Variants in ELOVL2 observed in about 807,000 individuals in gnomAD.
ELOVL2 encodes ELOVL fatty acid elongase 2.
In ELOVL2, 38 loss-of-function variants were observed where a neutral mutation model predicts 37.7. That is an observed-to-expected ratio of 1.01 (90% CI 0.78 to 1.32). ELOVL2 has a LOEUF of 1.32. Among genes scored for constraint, ELOVL2 ranks in the 40% most tolerant of loss-of-function variants. The probability of loss-of-function intolerance (pLI) is 0.00; values close to 1 mark genes in which losing one functional copy is unlikely to be tolerated. For synonymous variants in ELOVL2, 115 were observed against 122.3 expected (o/e 0.94, Z 0.40); for missense variants, 352 against 363.6 (o/e 0.97, Z 0.26).
At chr6:11,036,070 G>T (rs1245485027) in intron 1 of ELOVL2, among the ~76,000 whole-genome samples, 1 of 145,500 alleles carries the variant, frequency 6.9e-6, no homozygotes, top group Non-Finnish European at 1.6e-5. Flanking sequence ...TTACACTAAG[G>T]ACTTAAGACT....
chr6:11,014,343 G>GT (rs1310539622), intron 1 of ELOVL2, among the ~76,000 whole-genome samples: 1 of 151,700 alleles, frequency 6.6e-6, no homozygotes, highest in Non-Finnish European at 1.5e-5. Flanking sequence ...GCCGGGCGTG[G>GT]TGGTGCACAC....
At chr6:11,034,864 G>A (rs1303983707) in intron 1 of ELOVL2, among the ~76,000 whole-genome samples, 1 of 149,170 alleles carries the variant, frequency 6.7e-6, no homozygotes. Flanking sequence ...TTAGCCAAGC[G>A]TGGTGGCATG....
At chr6:10,992,124 A>G (rs1455947314) in intron 5 of ELOVL2, among the ~76,000 whole-genome samples, 1 of 152,228 alleles carries the variant, frequency 6.6e-6, no homozygotes, top group Non-Finnish European at 1.5e-5. Flanking sequence ...AACTAAACTC[A>G]AGAAATGGAT....
chr6:10,983,738 C>T lies in ELOVL2; in HGVS notation c.*43G>A, dbSNP rs4532436. On this transcript the variant is annotated 3_prime_UTR_variant, in exon 8 of 8. Transcript: ENST00000354666. ...ATTCAGTCTTTGCTTTAAAACAAGC[C>T]AATCTGTTAGGCTAGTATATGTGCT... 6.5e-7 allele frequency: 1 copy of T among 1,543,084 alleles called. No individual in the cohort carries two copies. The highest frequency in any genetic ancestry group is 8.7e-7 in the Non-Finnish European group (1 of 1,146,142).
In ELOVL2 at chr6:11,044,150, C is replaced by T; in HGVS notation, c.3+78G>A. The T allele has an allele frequency of 1.4e-6, 2 of 1,414,092 alleles. No homozygotes were observed. Among genetic ancestry groups the T allele is most frequent in the South Asian group, 1.4e-5 (1 of 69,204 alleles). The allele number at this position is 1,414,092 out of a possible 1,614,324, so 87.6% of individuals were successfully genotyped here. On this transcript the variant is annotated intron_variant, in intron 1 of 7. Coordinates refer to ENST00000354666, the MANE Select transcript of ELOVL2 (RefSeq NM_017770.4). This position sits in a 1 kb window ranked among gnomAD's most constrained non-coding sequence, Gnocchi z 5.6. ...AGCGCCCGCGCCGGCGCCCGCTCGGCCCTTTCCCGCCCGGTGCGTGGGTCC... is the reference window on the plus strand; with the variant it reads ...AGCGCCCGCGCCGGCGCCCGCTCGGTCCTTTCCCGCCCGGTGCGTGGGTCC...
chr6:10,990,543 T>G (rs1199692422), intron 5 of ELOVL2, 101 bp from the exon 6 acceptor site: 1 of 1,139,722 alleles, frequency 8.8e-7, no homozygotes, highest in East Asian at 2.7e-5. Context: ...TGAAAATGAG[T>G]AGCACATATG....
chr6:11,039,074 G>C (rs1214013643), intron 1 of ELOVL2, among the ~76,000 whole-genome samples: 1 of 152,180 alleles, frequency 6.6e-6, no homozygotes, highest in East Asian at 1.9e-4. Context: ...TAAGCAGACA[G>C]ACATAAAGCT....
At chr6:11,037,250 G>A (rs1452953654) in intron 1 of ELOVL2, among the ~76,000 whole-genome samples, 1 of 149,930 alleles carries the variant, frequency 6.7e-6, no homozygotes, top group Non-Finnish European at 1.5e-5. Context: ...GGCAGAGAGG[G>A]AGAGAGAGAC....
chr6:11,026,267 AAAG>A (rs1782836854), intron 1 of ELOVL2, among the ~76,000 whole-genome samples: 1 of 152,208 alleles, frequency 6.6e-6, no homozygotes, highest in African/African-American at 2.4e-5. Context: ...TAGAAAAGTT[AAAG>A]AAGGAGATGT....
intron 1 of ELOVL2, among the ~76,000 whole-genome samples, chr6:11,032,184 C>T (rs1782939510): frequency 6.6e-6 from 1 of 151,972 alleles, no homozygotes; most frequent in Non-Finnish European, 1.5e-5. Context: ...TCTATTTTTC[C>T]ACCTGGCTCC....
At position 10,995,007 on chromosome 6, in the gene ELOVL2, TTTGTC is replaced by T; in HGVS notation, c.500_504del (p.Gly167GlufsTer153). The T allele has an allele frequency of 1.3e-6, 2 of 1,583,710 alleles. No homozygotes were observed. Among genetic ancestry groups the T allele is most frequent in the Non-Finnish European group, 1.7e-6 (2 of 1,166,340 alleles). The stretch of plus-strand genomic sequence containing the variant: ...CGGAAAAATTAACAAAATAACTTAC[TTTGTC>T]CACAAGGTATCCAGTTCAAGACACA... On this transcript the variant is annotated frameshift_variant and splice_region_variant, in exon 5 of 8. Coordinates refer to ENST00000354666, the MANE Select transcript of ELOVL2 (RefSeq NM_017770.4). LOFTEE classifies it high-confidence loss of function.
At chr6:10,995,934 A>G (rs1158971204) in intron 4 of ELOVL2, among the ~76,000 whole-genome samples, 2 of 152,192 alleles carry the variant, frequency 1.3e-5, no homozygotes, top group Non-Finnish European at 2.9e-5. Context: ...AGACTGTCCA[A>G]GGGCAGTCTA....
chr6:11,010,255 C>T (rs1296331667), intron 2 of ELOVL2, among the ~76,000 whole-genome samples: 3 of 152,014 alleles, frequency 2.0e-5, no homozygotes, highest in African/African-American at 7.3e-5. Flanking sequence ...AACTCCTGAC[C>T]TCATGATCCG....
chr6:11,008,360 T>C lies in ELOVL2; in HGVS notation c.67+2386A>G, dbSNP rs980625720. ...TAATTCCAGATCACGCCAATCTTACTGGCAGCAAAGCTCAGTGAACTTGGC... is the reference window on the plus strand; with the variant it reads ...TAATTCCAGATCACGCCAATCTTACCGGCAGCAAAGCTCAGTGAACTTGGC... On this transcript the variant is annotated intron_variant, in intron 2 of 7. Transcript: ENST00000354666. 4.6e-5 allele frequency among the ~76,000 whole-genome samples: 7 copies of C among 152,368 alleles called. No homozygotes were observed. In the South Asian group the frequency reaches 1.4e-3, roughly 32 times the overall value.
At chr6:11,004,223 A>G (rs1449008721) in intron 3 of ELOVL2, among the ~76,000 whole-genome samples, 3 of 152,148 alleles carry the variant, frequency 2.0e-5, no homozygotes, top group Admixed American at 6.5e-5. Context: ...AATGGTACAT[A>G]TTAGAATAAT....
chr6:10,993,078 A>G (rs1782195130), intron 5 of ELOVL2, among the ~76,000 whole-genome samples: 1 of 151,896 alleles, frequency 6.6e-6, no homozygotes, highest in Non-Finnish European at 1.5e-5. Flanking sequence ...AAATTTAAAT[A>G]TAACCAACAA....
intron 7 of ELOVL2, among the ~76,000 whole-genome samples, chr6:10,986,520 C>T (rs1782056692): frequency 6.6e-6 from 1 of 152,126 alleles, no homozygotes; most frequent in Non-Finnish European, 1.5e-5. Context: ...TGAGATACGT[C>T]CCATCAATAC....
intron 1 of ELOVL2, among the ~76,000 whole-genome samples, chr6:11,030,782 G>T (rs1379528736): frequency 6.6e-6 from 1 of 152,056 alleles, no homozygotes; most frequent in East Asian, 1.9e-4. Flanking sequence ...GTGAGCCACC[G>T]TGCCCGGCCA....
chr6:10,992,562 G>A (rs918667389), intron 5 of ELOVL2, among the ~76,000 whole-genome samples: 7 of 151,878 alleles, frequency 4.6e-5, no homozygotes, highest in Non-Finnish European at 8.8e-5. Context: ...AGGCCGAGGC[G>A]GGCGGATCAC....
Sources: gnomAD v4.1 joint callset for allele counts (sites outside exome capture counted in the v4.1 genomes callset) on GRCh38, gnomAD v4.1.1 for gene constraint, Gnocchi (gnomAD v3.1) non-coding constraint, MANE v1.5 for transcripts, NCBI Gene and HGNC (gene_info 2026-07-23, HGNC 2026-07-21) for gene names.